The following ZZEF1 variants were observed in gnomAD, a reference collection of about 807,000 sequenced individuals.
ZZEF1 encodes the protein zinc finger ZZ-type and EF-hand domain-containing protein 1.
Under a neutral mutation model 342.8 loss-of-function variants are expected in ZZEF1, and 157 were observed. That is an observed-to-expected ratio of 0.46 (90% confidence interval 0.40 to 0.52). ZZEF1 has a LOEUF of 0.52. Among genes scored for constraint, ZZEF1 ranks in the 20% least tolerant of loss-of-function variants. The pLI is 0.00. For missense variants in ZZEF1, 3,480 were observed against 3,725.6 expected (o/e 0.93, Z 1.72); for synonymous variants, 1,505 against 1,429.1 (o/e 1.05, Z -1.20).
Position 4,019,689 on chromosome 17 carries a change from G to A in ZZEF1, c.7485C>T (p.Phe2495=). 2 of 1,613,104 alleles carry A rather than the reference G, an allele frequency of 1.2e-6. No individual in the cohort carries two copies. The highest frequency in any genetic ancestry group is 2.2e-5 in the South Asian group (2 of 90,888). The part of the protein sequence containing the change: ...YELQMKKTDY[F]FLEVQKRFDG... ...CTTACCTCTTCTGAACCTCCAGGAA[G>A]AAATAATCGGTCTTTTTCATCTGCA... Residue 2495 remains phenylalanine (F), a synonymous_variant, in exon 46 of 55, where the codon TTC becomes TTT. Coordinates refer to ENST00000381638, the MANE Select transcript of ZZEF1 (RefSeq NM_015113.4).
chr17:4,022,676 G>T (rs1226581631), intron 44 of ZZEF1, 33 bp downstream of exon 44: 1 of 1,612,852 alleles, frequency 6.2e-7, no homozygotes. Flanking sequence ...TCTGCACCAG[G>T]AAAGAGGAGC....
rs1481018095 is a variant in ZZEF1, at chr17:4,112,822, A to G, written c.867-14T>C. On this transcript the variant is annotated splice_polypyrimidine_tract_variant and intron_variant, in intron 4 of 54. Transcript: ENST00000381638. ...TTCATTTTTAAACTGGAAAACACAA[A>G]AAGCAGAAATTACAAATGTTTATAG... is the stretch of plus-strand genomic sequence containing the variant. 3.9e-6 allele frequency: 6 copies of G among 1,543,106 alleles called. No homozygotes were observed. In the African/African-American group the frequency reaches 8.3e-5, roughly 21 times the overall value.
chr17:4,102,154 A>G (rs556496889), intron 9 of ZZEF1, among the ~76,000 whole-genome samples, 163 bp downstream of exon 9: 1 of 152,340 alleles, frequency 6.6e-6, no homozygotes, highest in Non-Finnish European at 1.5e-5. Context: ...ACCTAGGCAG[A>G]TTACAACTAC....
intron 24 of ZZEF1, among the ~76,000 whole-genome samples, 181 bp downstream of exon 24, chr17:4,073,969 A>C (rs1828383967): frequency 2.0e-5 from 3 of 152,174 alleles, no homozygotes; most frequent in Non-Finnish European, 4.4e-5. Context: ...CCAAAGTCTA[A>C]GGCAAAAAGC....
chr17:4,014,486 G>A lies in ZZEF1; in HGVS notation c.8175C>T (p.Tyr2725=), dbSNP rs751546761. The change falls in exon 50 of 55, where the codon TAC becomes TAT. Residue 2725 remains tyrosine, a synonymous_variant. Transcript: ENST00000381638. The surrounding 1 kb of genome is among the most constrained non-coding windows in gnomAD (Gnocchi z 4.4). The part of the protein sequence containing the change: ...EDKVHIPGAI[Y]LSIKFDSQCN... ...ACTGAGAGTCGAATTTGATTGAGAG[G>A]TAGATGGCACCAGGAATGTGAACTT... 6.2e-7 allele frequency: 1 copy of A among 1,614,222 alleles called. No homozygotes were observed. The highest frequency in any genetic ancestry group is 8.5e-7 in the Non-Finnish European group (1 of 1,180,036).
chr17:4,122,746 C>T (rs1259005076), intron 2 of ZZEF1, among the ~76,000 whole-genome samples: 1 of 152,084 alleles, frequency 6.6e-6, no homozygotes, highest in African/African-American at 2.4e-5. Context: ...AGTAGTCCTC[C>T]CTTATCCACA....
chr17:4,129,228 T>G (rs2058625866), intron 1 of ZZEF1, among the ~76,000 whole-genome samples: 1 of 152,174 alleles, frequency 6.6e-6, no homozygotes, highest in African/African-American at 2.4e-5. Flanking sequence ...AAGAACAGGA[T>G]AACTATTAAC....
intron 53 of ZZEF1, 164 bp downstream of exon 53, chr17:4,009,440 T>C (rs1485991696): frequency 1.6e-5 from 15 of 965,464 alleles, no homozygotes; most frequent in Non-Finnish European, 2.0e-5. Context: ...TTCCCAGGCC[T>C]GGGAGAGGCG....
Position 4,049,712 on chromosome 17 carries a change from C to T in ZZEF1, c.6011G>A (p.Gly2004Asp). ...TAGTAAAGAATCGTCATTTACATTG[C>T]CTGCTTCTGACAGCTCAGCACCCTG... ...AVQGAELSEAGNGKRAVHEEI... is the reference protein window; with the variant it reads ...AVQGAELSEADNGKRAVHEEI... Residue 2004 changes from glycine to aspartate, a missense_variant, in exon 37 of 55, where the codon GGC (glycine) becomes GAC (aspartate). This residue lies in a region of ZZEF1 where 1,269 missense variants were observed against 1,342.4 expected (regional missense o/e 0.95). Transcript: ENST00000381638. 1.2e-6 allele frequency: 2 copies of T among 1,613,778 alleles called. No homozygotes were observed. The highest frequency in any genetic ancestry group is 2.2e-5 in the East Asian group (1 of 44,894).
In ZZEF1 at chr17:4,076,697, G is replaced by A. The variant is rs1326878545; in HGVS notation, c.3174C>T (p.Phe1058=). 6.2e-7 allele frequency: 1 copy of A among 1,613,374 alleles called. No homozygotes were observed. Among genetic ancestry groups the A allele is most frequent in the Admixed American group, 1.7e-5 (1 of 60,012 alleles). The part of the protein sequence containing the change: ...DIPHCVLLRE[F]SVLTELLKKL... ...TCTTCAGGAGTTCTGTGAGGACGCT[G>A]AACTCTCTCAAGAGCACGCAGTGTG... The change falls in exon 21 of 55, where the codon TTC becomes TTT. Residue 1058 remains phenylalanine, a synonymous_variant. Transcript: ENST00000381638.
rs1171447215 is a variant in ZZEF1, at chr17:4,075,424, A to G, written c.3240T>C (p.Asp1080=). The stretch of plus-strand genomic sequence containing the variant: ...GCTGTTCCTGTTGCCAGGTCTCAAC[A>G]TCCAGCTATGATAACAAATGAGCCA... ...SGPEGGLRKL[D]VETWQQEQPV... is the part of the protein sequence containing the mutation. Residue 1080 remains aspartate, a synonymous_variant, in exon 22 of 55, where the codon GAT becomes GAC. Coordinates refer to ENST00000381638, the MANE Select transcript of ZZEF1 (RefSeq NM_015113.4). The G allele has an allele frequency of 6.2e-7, 1 of 1,613,754 alleles. No individual in the cohort carries two copies. The highest frequency in any genetic ancestry group is 1.1e-5 in the South Asian group (1 of 91,000).
intron 8 of ZZEF1, among the ~76,000 whole-genome samples, chr17:4,103,839 G>A (rs926398850): frequency 2.6e-5 from 4 of 152,174 alleles, no homozygotes; most frequent in African/African-American, 9.7e-5. Context: ...AGGATCACTT[G>A]AGCCTGGGAG....
chr17:4,106,031 CCTCCA>C lies in ZZEF1; in HGVS notation c.1278-227_1278-223del, dbSNP rs1195863482. On this transcript the variant is annotated intron_variant, in intron 6 of 54. Coordinates refer to ENST00000381638, the MANE Select transcript of ZZEF1 (RefSeq NM_015113.4). ...GTGGTGCGATCTCGGCTCACTGCAA[CCTCCA>C]CCTCCCAGGTTCAAGCGATTCTCCT... 3.4e-4 allele frequency among the ~76,000 whole-genome samples: 52 copies of C among 152,234 alleles called. 1 individual carries two copies. The highest frequency in any genetic ancestry group is 2.5e-3 in the Admixed American group (38 of 15,298).
Position 4,121,491 on chromosome 17 carries a change from T to C in ZZEF1, c.499+2416A>G, listed in dbSNP as rs540144999. Among the ~76,000 whole-genome samples, 22 of 152,212 alleles carry C rather than the reference T, an allele frequency of 1.4e-4. No individual in the cohort carries two copies. The South Asian group carries it at 4.6e-3, about 32-fold the overall frequency. On this transcript the variant is annotated intron_variant, in intron 2 of 54. Transcript: ENST00000381638. ...AAACATAAAAATTAGCCGGACGTGG[T>C]GGCAGTTGCCTGTGCTCCCAGCTAC...
rs752108762 is a variant in ZZEF1 at position 4,105,818 on chromosome 17, G to C, written c.1278-9C>G. ...TGTGCCGCAGCGCCTTCCTAGAAGAGGAAAATGTAAAATGTAATCAGAACA... is the reference window on the plus strand; with the variant it reads ...TGTGCCGCAGCGCCTTCCTAGAAGACGAAAATGTAAAATGTAATCAGAACA... On this transcript the variant is annotated splice_polypyrimidine_tract_variant and intron_variant, in intron 6 of 54. Transcript: ENST00000381638. 6.3e-7 allele frequency: 1 copy of C among 1,589,674 alleles called. No individual in the cohort carries two copies. The highest frequency in any genetic ancestry group is 8.5e-7 in the Non-Finnish European group (1 of 1,171,992).
chr17:4,133,272 T>C (rs1246232473), intron 1 of ZZEF1, among the ~76,000 whole-genome samples: 1 of 143,002 alleles, frequency 7.0e-6, no homozygotes, highest in Non-Finnish European at 1.6e-5. Context: ...CATTTATTCC[T>C]CATAACAGTA....
At chr17:4,109,586 C>T (rs764981444) in intron 6 of ZZEF1, 67 bp downstream of exon 6, 19 of 1,520,668 alleles carry the variant, frequency 1.2e-5, no homozygotes, top group Middle Eastern at 1.9e-4. Context: ...CTCAGTGATA[C>T]GCCCTAAAGG....
Position 4,054,090 on chromosome 17 carries a change from T to C in ZZEF1, c.5401A>G (p.Ser1801Gly), listed in dbSNP as rs2057106380. ...CAAGTTTTGCAGAGATCCATGTCGCTGCACTGCAGACAGCGGTATCGATGC... is the reference window on the plus strand; with the variant it reads ...CAAGTTTTGCAGAGATCCATGTCGCCGCACTGCAGACAGCGGTATCGATGC... ...PWHRYRCLQC[S>G]DMDLCKTCFL... Residue 1801 changes from serine to glycine, a missense_variant, in exon 34 of 55, where the codon AGC becomes GGC. Ser to Gly is a moderately conservative substitution (Grantham distance 56). Coordinates refer to ENST00000381638, the MANE Select transcript of ZZEF1 (RefSeq NM_015113.4). The C allele has an allele frequency of 2.5e-6, 4 of 1,613,682 alleles. No individual in the cohort carries two copies. The highest frequency in any genetic ancestry group is 3.4e-6 in the Non-Finnish European group (4 of 1,179,772).
intron 33 of ZZEF1, 118 bp from the exon 34 acceptor site, chr17:4,054,313 GGATTTGAT>G: frequency 1.7e-6 from 2 of 1,153,642 alleles, no homozygotes; most frequent in South Asian, 3.3e-5. Context: ...CTAAGTGCTA[GGATTTGAT>G]AATGAATAAG....
Sources: gnomAD v4.1 joint callset for allele counts (sites outside exome capture counted in the v4.1 genomes callset) on GRCh38, gnomAD v4.1.1 for gene constraint, gnomAD v4.1.1 regional missense constraint, Gnocchi (gnomAD v3.1) non-coding constraint, MANE v1.5 for transcripts, NCBI Gene and HGNC (gene_info 2026-07-23, HGNC 2026-07-21) for gene names.